MALRD1: variants seen among roughly 807,000 people sequenced by gnomAD.
The protein encoded by MALRD1 is MAM and LDL-receptor class A domain-containing protein 1.
In MALRD1, 247 loss-of-function variants were observed where a neutral mutation model predicts 242.1. That is an observed-to-expected ratio of 1.02 (90% CI 0.92 to 1.13). The LOEUF (loss-of-function observed/expected upper bound fraction) is 1.13, where lower values mean the gene tolerates loss of function less well. Ranked by LOEUF, MALRD1 falls within the 50% of genes most tolerant of loss-of-function variation. The pLI, the probability that MALRD1 is intolerant of heterozygous loss-of-function variation, is 0.00. For synonymous variants in MALRD1, 995 were observed against 866.6 expected, an observed-to-expected ratio of 1.15 and a Z score of -2.60; for missense variants, 2,989 against 2,533.1, an observed-to-expected ratio of 1.18 and a Z score of -3.86.
At chr10:19,211,896 C>T (rs1484414337) in intron 18 of MALRD1, among the ~76,000 whole-genome samples, 1 of 151,762 alleles carries the variant, frequency 6.6e-6, no homozygotes, top group East Asian at 1.9e-4. Context: ...TCTGTGTTTG[C>T]ATAAAGAAAA....
chr10:19,243,276 A>C (rs1188568788), intron 18 of MALRD1, among the ~76,000 whole-genome samples: 2 of 152,004 alleles, frequency 1.3e-5, no homozygotes, highest in African/African-American at 4.8e-5. Flanking sequence ...GACTCCATGG[A>C]ACATAGGTTC....
chr10:19,170,047 G>A (rs1275441190), intron 13 of MALRD1, among the ~76,000 whole-genome samples: 1 of 152,054 alleles, frequency 6.6e-6, no homozygotes, highest in Admixed American at 6.6e-5. Context: ...AATTGCTTTG[G>A]GTTTCATAGC....
chr10:19,254,285 A>G (rs1161550807), intron 18 of MALRD1, among the ~76,000 whole-genome samples: 2 of 152,000 alleles, frequency 1.3e-5, no homozygotes, highest in East Asian at 3.9e-4. Context: ...TGCCTACATC[A>G]TTGTTCCTTT....
chr10:19,169,540 CA>C (rs1834833511), intron 13 of MALRD1, among the ~76,000 whole-genome samples: 1 of 151,996 alleles, frequency 6.6e-6, no homozygotes, highest in Non-Finnish European at 1.5e-5. Context: ...TATGAAGATG[CA>C]ACTTTTGTCT....
intron 26 of MALRD1, among the ~76,000 whole-genome samples, chr10:19,359,464 G>A (rs10734013): frequency 6.6e-6 from 1 of 151,902 alleles, no homozygotes; most frequent in East Asian, 1.9e-4. Flanking sequence ...GGAGTAGCAA[G>A]GGAGGCTGTT....
intron 31 of MALRD1, among the ~76,000 whole-genome samples, chr10:19,504,569 A>C (rs11010194): frequency 0.25 from 37,962 of 151,846 alleles, 7,205 homozygotes; most frequent in African/African-American, 0.54. Context: ...ATGCACTCAA[A>C]CATACACATA....
At chr10:19,489,374 G>A (rs186186689) in intron 29 of MALRD1, 323 of 545,752 alleles carry the variant, frequency 5.9e-4, no homozygotes, top group African/African-American at 4.4e-3. Flanking sequence ...CTCTGATGAA[G>A]CAGGAGAGAA....
chr10:19,635,757 A>G (rs1291561572), intron 36 of MALRD1, among the ~76,000 whole-genome samples: 1 of 152,190 alleles, frequency 6.6e-6, no homozygotes, highest in Non-Finnish European at 1.5e-5. Context: ...AATAACCTCA[A>G]AATTAACACA....
intron 29 of MALRD1, among the ~76,000 whole-genome samples, chr10:19,464,987 G>A (rs1387058225): frequency 1.4e-5 from 2 of 145,406 alleles, no homozygotes; most frequent in African/African-American, 5.1e-5. Flanking sequence ...TGTAAAAGTG[G>A]TTGAGTTCTT....
intron 31 of MALRD1, among the ~76,000 whole-genome samples, chr10:19,525,928 A>C (rs936509207): frequency 6.6e-6 from 1 of 152,138 alleles, no homozygotes; most frequent in African/African-American, 2.4e-5. Context: ...CAAACAAATA[A>C]ACGAAAATTC....
chr10:19,644,834 G>T (rs1453702194), intron 36 of MALRD1, among the ~76,000 whole-genome samples: 1 of 152,084 alleles, frequency 6.6e-6, no homozygotes, highest in Admixed American at 6.6e-5. Context: ...AACCAAATTT[G>T]TCTACTTGTA....
chr10:19,190,348 C>T (rs1006116233), intron 14 of MALRD1, among the ~76,000 whole-genome samples: 6 of 151,888 alleles, frequency 4.0e-5, no homozygotes, highest in Admixed American at 6.6e-5. Context: ...GATCAGAAGA[C>T]GTAATATTCT....
chr10:19,515,113 A>G (rs1367385628), intron 31 of MALRD1, among the ~76,000 whole-genome samples: 3 of 152,164 alleles, frequency 2.0e-5, no homozygotes, highest in African/African-American at 2.4e-5. Context: ...TTAACAAACA[A>G]CAAAAACACA....
intron 36 of MALRD1, among the ~76,000 whole-genome samples, chr10:19,637,993 C>A (rs886913773): frequency 6.2e-5 from 9 of 145,416 alleles, no homozygotes; most frequent in African/African-American, 2.0e-4. Flanking sequence ...CCCAGCTACT[C>A]GGGAGGCTGA....
At chr10:19,338,739 T>C in intron 24 of MALRD1, among the ~76,000 whole-genome samples, 1 of 146,158 alleles carries the variant, frequency 6.8e-6, no homozygotes, top group Non-Finnish European at 1.5e-5. Flanking sequence ...ATTTATCCTT[T>C]GAATTACGAA....
intron 18 of MALRD1, among the ~76,000 whole-genome samples, chr10:19,220,476 A>T (rs570382468): frequency 2.6e-5 from 4 of 152,360 alleles, no homozygotes; most frequent in African/African-American, 7.2e-5. Flanking sequence ...CCAGGTATAT[A>T]AAGAAAAATA....
intron 26 of MALRD1, among the ~76,000 whole-genome samples, chr10:19,368,915 G>T (rs887817997): frequency 4.7e-5 from 7 of 147,846 alleles, no homozygotes; most frequent in Non-Finnish European, 9.0e-5. Context: ...GTGTGTGTGT[G>T]TGTGTGTATG....
At chr10:19,490,009 A>G (rs1837411866) in intron 29 of MALRD1, among the ~76,000 whole-genome samples, 1 of 152,180 alleles carries the variant, frequency 6.6e-6, no homozygotes, top group South Asian at 2.1e-4. Flanking sequence ...ACAGCTTATC[A>G]ACATGTGAAG....
intron 29 of MALRD1, among the ~76,000 whole-genome samples, chr10:19,468,292 T>G (rs1836324480): frequency 6.6e-6 from 1 of 152,192 alleles, no homozygotes; most frequent in Admixed American, 6.5e-5. Context: ...GGTGATGCTT[T>G]TATTTTCTTA....
Sources: gnomAD v4.1 joint callset for allele counts (sites outside exome capture counted in the v4.1 genomes callset) on GRCh38, gnomAD v4.1.1 for gene constraint, MANE v1.5 for transcripts, NCBI Gene and HGNC (gene_info 2026-07-23, HGNC 2026-07-21) for gene names.